The following HDAC4 variants were observed in gnomAD, a reference collection of about 807,000 sequenced individuals.
The protein encoded by HDAC4 is histone deacetylase A.
Under a neutral mutation model 135.1 loss-of-function variants are expected in HDAC4, and 16 were observed. That is an observed-to-expected ratio of 0.12 (90% CI 0.08 to 0.18). The LOEUF is 0.18. Among genes scored for constraint, HDAC4 ranks in the 10% least tolerant of loss-of-function variants. The pLI, the probability that HDAC4 is intolerant of heterozygous loss-of-function variation, is 1.00. For synonymous variants in HDAC4, 685 were observed against 653.4 expected, an observed-to-expected ratio of 1.05 and a Z score of -0.74; for missense variants, 1,143 against 1,511.8, an observed-to-expected ratio of 0.76 and a Z score of 4.05.
At chr2:239,377,527 T>C (rs1267563481) in intron 1 of HDAC4, among the ~76,000 whole-genome samples, 1 of 152,214 alleles carries the variant, frequency 6.6e-6, no homozygotes. Flanking sequence ...TCTCAGTGCA[T>C]CACCACAATG....
intron 2 of HDAC4, among the ~76,000 whole-genome samples, chr2:239,347,607 C>A (rs1692806755): frequency 6.6e-6 from 1 of 152,264 alleles, no homozygotes; most frequent in Non-Finnish European, 1.5e-5. Context: ...CCTCACCTCC[C>A]GGATTCAAGC....
intron 3 of HDAC4, among the ~76,000 whole-genome samples, chr2:239,225,954 C>G (rs576188906): frequency 6.6e-6 from 1 of 152,132 alleles, no homozygotes. Flanking sequence ...GGTGTTGGTA[C>G]GGCGAAAACA....
At chr2:239,121,757 C>T (rs936612258) in intron 12 of HDAC4, among the ~76,000 whole-genome samples, 7 of 152,224 alleles carry the variant, frequency 4.6e-5, no homozygotes, top group Non-Finnish European at 7.4e-5. Context: ...CCCTCTGTGA[C>T]GCAGGCCAGG....
intron 2 of HDAC4, among the ~76,000 whole-genome samples, chr2:239,260,188 T>C (rs1334203192): frequency 6.6e-6 from 1 of 152,214 alleles, no homozygotes; most frequent in Non-Finnish European, 1.5e-5. Context: ...GTGTCCAGAC[T>C]CTGCAGGCGC....
intron 1 of HDAC4, among the ~76,000 whole-genome samples, chr2:239,383,595 C>T (rs1189302162): frequency 2.6e-5 from 4 of 152,012 alleles, no homozygotes; most frequent in East Asian, 1.9e-4. Context: ...GTTTTGCAAA[C>T]CCAATACGCT....
chr2:239,160,334 C>T (rs113889349), intron 6 of HDAC4, among the ~76,000 whole-genome samples: 8 of 152,336 alleles, frequency 5.3e-5, no homozygotes, highest in East Asian at 3.9e-4. Context: ...ATGTCCTGGT[C>T]GGACCCAGCC....
rs575478995 is a variant in HDAC4 at position 239,107,340 on chromosome 2, C to A, written c.2112+710G>T. Among the ~76,000 whole-genome samples, 3 of 152,386 alleles carry A rather than the reference C, an allele frequency of 2.0e-5. No homozygotes were observed. The South Asian group carries it at 6.2e-4, about 32-fold the overall frequency. On this transcript the variant is annotated intron_variant, in intron 15 of 26. Transcript: ENST00000543185. Reference sequence around the variant, plus strand: ...GTTCCTATCAGGAGGCGGGGCCGGGCCCTCCTTGTATGAGAACAAGTGAGG... The same window carrying A: ...GTTCCTATCAGGAGGCGGGGCCGGGACCTCCTTGTATGAGAACAAGTGAGG...
chr2:239,291,427 C>A lies in HDAC4; in HGVS notation c.23-54763G>T, dbSNP rs146702016. ...CCTCAAAGAGGGGTCCCCTGGGTGG[C>A]GGGGGGCCTGAGGGCACACAGGAAG... On this transcript the variant is annotated intron_variant, in intron 2 of 26. Transcript: ENST00000543185. 4.2e-3 allele frequency among the ~76,000 whole-genome samples: 637 copies of A among 152,228 alleles called. 6 individuals carry two copies. Among genetic ancestry groups the A allele is most frequent in the South Asian group, 0.023 (110 of 4,824 alleles).
chr2:239,164,377 G>A (rs113396480), intron 5 of HDAC4, among the ~76,000 whole-genome samples: 133 of 152,322 alleles, frequency 8.7e-4, no homozygotes, highest in African/African-American at 3.1e-3. Flanking sequence ...CTACACCTGC[G>A]CCGACATGAC....
At chr2:239,383,919 C>T (rs577765353) in intron 1 of HDAC4, among the ~76,000 whole-genome samples, 25 of 152,362 alleles carry the variant, frequency 1.6e-4, no homozygotes, top group African/African-American at 5.0e-4. Flanking sequence ...CAAGGACAGA[C>T]GTGAGAGCCA....
intron 3 of HDAC4, among the ~76,000 whole-genome samples, chr2:239,216,332 GA>G (rs1188579112): frequency 6.6e-6 from 1 of 151,236 alleles, no homozygotes; most frequent in Non-Finnish European, 1.5e-5. Flanking sequence ...AAAAATAAAA[GA>G]AAAAGTCTCC....
chr2:239,263,025 G>T (rs913603198), intron 2 of HDAC4, among the ~76,000 whole-genome samples: 2 of 152,142 alleles, frequency 1.3e-5, no homozygotes, highest in East Asian at 3.9e-4. Context: ...ACGAGAGAAT[G>T]AAGGATGTGG....
chr2:239,085,298 C>T (rs1338554088), intron 19 of HDAC4, among the ~76,000 whole-genome samples: 1 of 152,222 alleles, frequency 6.6e-6, no homozygotes, highest in East Asian at 1.9e-4. Flanking sequence ...ACCAAGAAAA[C>T]AAGCTATGAA....
intron 2 of HDAC4, among the ~76,000 whole-genome samples, chr2:239,249,761 TTAGCTGAGCTATTAAAGAAAAAAAAAAAA>T (rs2048676119): frequency 6.7e-6 from 1 of 148,974 alleles, no homozygotes; most frequent in Non-Finnish European, 1.5e-5. Flanking sequence ...ATTCATTCCT[TTAGCTGAGCTATTAAAGAAAAAAAAAAAA>T]CAAGGAGCTG....
intron 22 of HDAC4, among the ~76,000 whole-genome samples, chr2:239,074,781 G>C (rs1427923286): frequency 6.6e-6 from 1 of 152,208 alleles, no homozygotes; most frequent in Non-Finnish European, 1.5e-5. Context: ...AGGAAGCTGA[G>C]CATGGCACTC....
At chr2:239,075,859 C>T (rs771646728) in intron 22 of HDAC4, among the ~76,000 whole-genome samples, 4 of 151,548 alleles carry the variant, frequency 2.6e-5, no homozygotes, top group South Asian at 2.1e-4. Context: ...CTTGGTTTCC[C>T]GGGAAACAAA....
rs1046241635 is a variant in HDAC4 at position 239,223,775 on chromosome 2, A to G, written c.94+12818T>C. Among the ~76,000 whole-genome samples, 3 of 152,064 alleles carry G rather than the reference A, an allele frequency of 2.0e-5. No homozygotes were observed. In the East Asian group the frequency reaches 5.8e-4, roughly 29 times the overall value. ...TCTGCCCAGCAAAGATCCCGGAGCC[A>G]GTAACTCTCTTGCCAGCAGGAACAC... On this transcript the variant is annotated intron_variant, in intron 3 of 26. Transcript: ENST00000543185.
intron 24 of HDAC4, among the ~76,000 whole-genome samples, chr2:239,056,857 C>A (rs912594169): frequency 6.6e-6 from 1 of 152,226 alleles, no homozygotes; most frequent in Non-Finnish European, 1.5e-5. Context: ...AATGGCATTT[C>A]GATCCTATGA....
At position 239,313,116 on chromosome 2, in the gene HDAC4, G is replaced by A. The variant is rs533482712; in HGVS notation, c.22+39562C>T. The stretch of plus-strand genomic sequence containing the variant: ...CTTGGGCTCTGTCCCGTGCCTCCCC[G>A]GGGGCGTTCCGAGGTGGCGGAGGAG... On this transcript the variant is annotated intron_variant, in intron 2 of 26. Transcript: ENST00000543185. The surrounding 1 kb of genome is among the most constrained non-coding windows in gnomAD (Gnocchi z 5.1). Among the ~76,000 whole-genome samples the A allele has an allele frequency of 6.3e-4, 96 of 152,176 alleles. No individual in the cohort carries two copies. Among genetic ancestry groups the A allele is most frequent in the Non-Finnish European group, 1.1e-3 (75 of 68,034 alleles).
Sources: gnomAD v4.1 joint callset for allele counts (sites outside exome capture counted in the v4.1 genomes callset) on GRCh38, gnomAD v4.1.1 for gene constraint, Gnocchi (gnomAD v3.1) non-coding constraint, MANE v1.5 for transcripts, NCBI Gene and HGNC (gene_info 2026-07-23, HGNC 2026-07-21) for gene names.